The following MRPS6 variants were observed in gnomAD, a reference collection of about 807,000 sequenced individuals.
MRPS6 encodes mitochondrial ribosomal protein S6.
Under a neutral mutation model 13.1 loss-of-function variants are expected in MRPS6, and 6 were observed. The ratio of observed to expected loss-of-function variants is 0.46; its 90% CI spans 0.25 to 0.91. The LOEUF is 0.91. Among genes scored for constraint, MRPS6 ranks in the 40% least tolerant of loss-of-function variants. MRPS6 has a pLI of 0.18. For missense variants in MRPS6, 164 were observed against 155.6 expected (o/e 1.05, Z -0.29); for synonymous variants, 61 against 56.5 (o/e 1.08, Z -0.36).
intron 1 of MRPS6, chr21:34,103,742 C>T (rs970112461): frequency 1.0e-6 from 1 of 999,790 alleles, no homozygotes; most frequent in Non-Finnish European, 1.2e-6. Flanking sequence ...CTAAACTGGT[C>T]CTAATGGTAA....
chr21:34,124,748 C>T (rs1014674889), intron 1 of MRPS6: 1 of 152,100 alleles, frequency 6.6e-6, no homozygotes, highest in African/African-American at 2.4e-5. Flanking sequence ...ATGCTATTTC[C>T]TGTATTCTGC....
chr21:34,102,504 TAAAC>T (rs1197998049), intron 1 of MRPS6: 6 of 1,000,070 alleles, frequency 6.0e-6, no homozygotes, highest in East Asian at 1.1e-4. Flanking sequence ...CACTCAGAAA[TAAAC>T]AAAAACTGTT....
At chr21:34,074,703 CA>C (rs1989283143) in intron 1 of MRPS6, among the ~76,000 whole-genome samples, 2 of 152,242 alleles carry the variant, frequency 1.3e-5, no homozygotes, top group Admixed American at 1.3e-4. Context: ...TGTAATAAAA[CA>C]AAAATCATTG....
chr21:34,125,275 C>T (rs1405576229), intron 1 of MRPS6, 66 bp from the exon 2 acceptor site: 4 of 1,573,664 alleles, frequency 2.5e-6, no homozygotes, highest in Non-Finnish European at 3.4e-6. Context: ...CAGACTTAAT[C>T]ATTCTAGCTC....
chr21:34,087,104 T>G (rs1306025310), intron 1 of MRPS6, among the ~76,000 whole-genome samples: 1 of 152,144 alleles, frequency 6.6e-6, no homozygotes, highest in Non-Finnish European at 1.5e-5. Flanking sequence ...TTGAGGGAGA[T>G]GGTGGCTCCA....
intron 1 of MRPS6, among the ~76,000 whole-genome samples, chr21:34,088,660 G>A (rs112796884): frequency 0.012 from 1,754 of 152,304 alleles, 38 homozygotes; most frequent in South Asian, 0.081. Context: ...GGCAAAAGCT[G>A]TTTAGACATA....
At chr21:34,130,686 A>T (rs1380345202) in intron 2 of MRPS6, among the ~76,000 whole-genome samples, 5 of 152,230 alleles carry the variant, frequency 3.3e-5, no homozygotes, top group African/African-American at 4.8e-5. Context: ...GAAGAAGTTC[A>T]CTATTGCTCC....
At chr21:34,133,552 A>G (rs1980581117) in intron 2 of MRPS6, among the ~76,000 whole-genome samples, 1 of 152,192 alleles carries the variant, frequency 6.6e-6, no homozygotes, top group Non-Finnish European at 1.5e-5. Flanking sequence ...CAGAGGTGCT[A>G]TTTGAATAAG....
intron 1 of MRPS6, among the ~76,000 whole-genome samples, chr21:34,120,270 C>G (rs1460285735): frequency 6.6e-6 from 1 of 152,124 alleles, no homozygotes; most frequent in Non-Finnish European, 1.5e-5. Flanking sequence ...GATATTAATC[C>G]AACAGCCATC....
intron 1 of MRPS6, among the ~76,000 whole-genome samples, chr21:34,089,616 G>A (rs1978577003): frequency 6.6e-6 from 1 of 152,086 alleles, no homozygotes; most frequent in Non-Finnish European, 1.5e-5. Flanking sequence ...GATTTTATTT[G>A]AGGAAATGGT....
intron 2 of MRPS6, among the ~76,000 whole-genome samples, chr21:34,138,722 C>G (rs893218630): frequency 6.6e-6 from 1 of 152,158 alleles, no homozygotes; most frequent in Non-Finnish European, 1.5e-5. Flanking sequence ...AATAGGAACA[C>G]TTTTACACTG....
At chr21:34,121,471 A>G (rs1190747123) in intron 1 of MRPS6, among the ~76,000 whole-genome samples, 3 of 152,160 alleles carry the variant, frequency 2.0e-5, no homozygotes, top group Non-Finnish European at 4.4e-5. Flanking sequence ...TCTAGTTTCC[A>G]TTCCCATTCA....
chr21:34,115,411 C>T (rs1167793309), intron 1 of MRPS6, among the ~76,000 whole-genome samples: 3 of 152,158 alleles, frequency 2.0e-5, no homozygotes, highest in Non-Finnish European at 4.4e-5. Flanking sequence ...TTGGTCTTGT[C>T]CTATCACGTC....
intron 1 of MRPS6, chr21:34,105,973 C>G (rs1979458321): frequency 2.0e-6 from 2 of 994,854 alleles, no homozygotes; most frequent in Non-Finnish European, 2.4e-6. Flanking sequence ...ATCTTGGTTT[C>G]ATGTGTTTTT....
At chr21:34,140,827 C>T (rs957085034) in intron 2 of MRPS6, among the ~76,000 whole-genome samples, 2 of 152,084 alleles carry the variant, frequency 1.3e-5, no homozygotes, top group Non-Finnish European at 2.9e-5. Context: ...TTTCTTTGCT[C>T]TGAAGTCTGC....
rs547238675 is a variant in MRPS6 at position 34,129,032 on chromosome 21, C to T, written c.185+3552C>T. ...TCCCCTTTGTGTCTGCACGTGCTCA[C>T]CCTGACACCCTCATCTGCTCTGCGG... On this transcript the variant is annotated intron_variant, in intron 2 of 2. Coordinates refer to ENST00000399312, the MANE Select transcript of MRPS6 (RefSeq NM_032476.4). 3.9e-3 allele frequency among the ~76,000 whole-genome samples: 590 copies of T among 152,256 alleles called. 2 individuals carry two copies. The highest frequency in any genetic ancestry group is 7.1e-3 in the South Asian group (34 of 4,816).
At chr21:34,103,073 C>T in intron 1 of MRPS6, 2 of 1,000,028 alleles carry the variant, frequency 2.0e-6, no homozygotes, top group Non-Finnish European at 2.4e-6. Flanking sequence ...TCATTAGTAA[C>T]TCATCTTTTT....
chr21:34,105,069 T>C (rs1979415829), intron 1 of MRPS6: 2 of 1,000,146 alleles, frequency 2.0e-6, no homozygotes, highest in Non-Finnish European at 2.4e-6. Flanking sequence ...TCTGTGGGGT[T>C]ATTAAAATGC....
chr21:34,130,770 G>A (rs1448859614), intron 2 of MRPS6, among the ~76,000 whole-genome samples: 1 of 152,156 alleles, frequency 6.6e-6, no homozygotes, highest in East Asian at 1.9e-4. Flanking sequence ...TTCTTGCCTG[G>A]CATCAGTCAT....
Sources: gnomAD v4.1 joint callset for allele counts (sites outside exome capture counted in the v4.1 genomes callset) on GRCh38, gnomAD v4.1.1 for gene constraint, MANE v1.5 for transcripts, NCBI Gene and HGNC (gene_info 2026-07-23, HGNC 2026-07-21) for gene names.